ZC3H12D: variants seen among roughly 807,000 people sequenced by gnomAD.
The protein encoded by ZC3H12D is zinc finger CCCH-type containing 12D.
A neutral mutation model predicts 24.2 loss-of-function variants in ZC3H12D; 11 were observed. That is an observed-to-expected ratio of 0.46 (90% CI 0.29 to 0.75). The LOEUF (loss-of-function observed/expected upper bound fraction) is 0.75, where lower values mean the gene tolerates loss of function less well. ZC3H12D is among the 30% of genes least tolerant of loss of function. The pLI is 0.11. For missense variants in ZC3H12D, 740 were observed against 767.7 expected (o/e 0.96, Z 0.43); for synonymous variants, 333 against 341.8 (o/e 0.97, Z 0.28).
chr6:149,472,326 A>T (rs546450549), intron 2 of ZC3H12D, among the ~76,000 whole-genome samples: 12 of 151,974 alleles, frequency 7.9e-5, no homozygotes, highest in Admixed American at 3.3e-4. Context: ...GAGGGAGGGG[A>T]TGTGTGTGTG....
chr6:149,474,249 C>A lies in ZC3H12D; in HGVS notation c.295G>T (p.Val99Leu), dbSNP rs762876662. The change falls in exon 2 of 6, where the codon GTG becomes TTG. Residue 99 changes from valine to leucine, a missense_variant. By Grantham distance (32) the Val-to-Leu change is conservative (BLOSUM62 1). Transcript: ENST00000409806. Reference protein sequence around the residue: ...LRPIVIDGSNVAMSHGNKETF... With the variant: ...LRPIVIDGSNLAMSHGNKETF... ...ATGAAGGGAAGCTACCTCATCGCCA[C>A]GTTGCTGCCATCAATCACTATGGGT... is the stretch of plus-strand genomic sequence containing the variant. The A allele has an allele frequency of 5.7e-5, 84 of 1,481,058 alleles. No individual in the cohort carries two copies. The highest frequency in any genetic ancestry group is 6.9e-5 in the Non-Finnish European group (76 of 1,106,106). The allele number at this position is 1,481,058 out of a possible 1,614,324, so 91.7% of individuals were successfully genotyped here. A position where few individuals can be genotyped will look rare whatever the true frequency, so the allele number is the denominator to read the frequency against.
Position 149,451,251 on chromosome 6 carries a change from AG to A in ZC3H12D, c.1015del (p.Leu339TrpfsTer159). On this transcript the variant is annotated frameshift_variant, in exon 6 of 6. Transcript: ENST00000409806. LOFTEE classifies it low-confidence loss of function (END_TRUNC). ...AGAGAAGCTCCCTCGCAGGGCGGCC[AG>A]GTCCGGGGACCCCCGCGCCGGCGGG... ...SLPPARGSPD[L>X]AALRGSFSRL... is the part of the protein sequence containing the mutation. 1 of 1,296,958 alleles carries A rather than the reference AG, an allele frequency of 7.7e-7. No individual in the cohort carries two copies. The highest frequency in any genetic ancestry group is 2.6e-5 in the South Asian group (1 of 39,018). 80.3% of individuals were successfully genotyped at this position (1,296,958 alleles called of 1,614,324 possible).
At chr6:149,482,147 A>C (rs1468024628) in intron 1 of ZC3H12D, among the ~76,000 whole-genome samples, 1 of 152,214 alleles carries the variant, frequency 6.6e-6, no homozygotes, top group Non-Finnish European at 1.5e-5. Context: ...TTCACACTAA[A>C]CTGAAAGAAT....
At chr6:149,453,298 TA>T (rs59885086) in intron 4 of ZC3H12D, among the ~76,000 whole-genome samples, 83,383 of 146,380 alleles carry the variant, frequency 0.57, 24,011 homozygotes, top group African/African-American at 0.64. Context: ...AGATCCTGGC[TA>T]AAAAAAAAAA....
Position 149,450,702 on chromosome 6 carries a change from G to A in ZC3H12D, c.1565C>T (p.Ala522Val). The A allele has an allele frequency of 6.5e-7, 1 of 1,533,586 alleles. No homozygotes were observed. Among genetic ancestry groups the A allele is most frequent in the Non-Finnish European group, 8.8e-7 (1 of 1,137,500 alleles). 95.0% of individuals were successfully genotyped at this position (1,533,586 alleles called of 1,614,324 possible). ...GGTCCCTTAGGGCTTGCCCAGGGGC[G>A]CCCCCGCGCTCTGGCATCTCTGTAC... ...LLVQRCQSAG[A>V]PLGKP The change falls in exon 6 of 6, where the codon GCG (alanine) becomes GTG (valine). Residue 522 changes from alanine (A) to valine (V), a missense_variant. Physicochemically the swap from Ala to Val is moderately conservative, Grantham distance 64. Coordinates refer to ENST00000409806, the MANE Select transcript of ZC3H12D (RefSeq NM_207360.3).
In ZC3H12D at chr6:149,450,763, G is replaced by A. The variant is rs1209074450; in HGVS notation, c.1504C>T (p.Pro502Ser). 7.7e-6 allele frequency: 12 copies of A among 1,549,208 alleles called. No individual in the cohort carries two copies. In the Admixed American group the frequency reaches 2.4e-4, roughly 30 times the overall value. ...DQVDRVMAAF[P>S]ELSDLARLIL... ...AGCCTGGCGAGGTCTGAGAGCTCCG[G>A]GAACGCGGCCATCACGCGGTCCACC... Residue 502 changes from proline to serine, a missense_variant, in exon 6 of 6, where the codon CCG becomes TCG. Physicochemically the swap from Pro to Ser is moderately conservative, Grantham distance 74. Coordinates refer to ENST00000409806, the MANE Select transcript of ZC3H12D (RefSeq NM_207360.3).
chr6:149,474,154 C>T, intron 2 of ZC3H12D, 85 bp downstream of exon 2: 1 of 1,266,090 alleles, frequency 7.9e-7, no homozygotes, highest in Non-Finnish European at 1.0e-6. Flanking sequence ...CTCTTTGGAC[C>T]AAACCACAAG....
At chr6:149,455,065 A>T (rs1288184713) in intron 4 of ZC3H12D, among the ~76,000 whole-genome samples, 3 of 152,216 alleles carry the variant, frequency 2.0e-5, no homozygotes, top group Non-Finnish European at 4.4e-5. Context: ...CAAGGTGAAG[A>T]ACATTCAGCT....
At chr6:149,461,605 G>A (rs7748663) in intron 3 of ZC3H12D, 3,509 of 333,472 alleles carry the variant, frequency 0.011, 99 homozygotes, top group African/African-American at 0.067. Context: ...CTTATTGAAC[G>A]CCTAATTTTG....
At chr6:149,463,747 A>G (rs1307146517) in intron 2 of ZC3H12D, among the ~76,000 whole-genome samples, 1 of 152,202 alleles carries the variant, frequency 6.6e-6, no homozygotes, top group Non-Finnish European at 1.5e-5. Context: ...GAGGGAGAAG[A>G]GTAGGTGAAC....
intron 1 of ZC3H12D, among the ~76,000 whole-genome samples, chr6:149,484,142 G>A (rs1310767313): frequency 3.3e-5 from 5 of 152,162 alleles, no homozygotes; most frequent in African/African-American, 1.2e-4. Flanking sequence ...CACGAGTCAG[G>A]GATGGGCACC....
chr6:149,468,347 G>T (rs1776193324), intron 2 of ZC3H12D, among the ~76,000 whole-genome samples: 1 of 152,190 alleles, frequency 6.6e-6, no homozygotes, highest in African/African-American at 2.4e-5. Context: ...GGCAAATTTT[G>T]CCTGCCTGAC....
Position 149,450,981 on chromosome 6 carries a change from G to A in ZC3H12D, c.1286C>T (p.Pro429Leu). Reference sequence around the variant, plus strand: ...CCACGGGTCGTCGGGTGGCCTGCGCGGGGAAAGCAAGTCGCCGTGCAGGTC... The same window carrying A: ...CCACGGGTCGTCGGGTGGCCTGCGCAGGGAAAGCAAGTCGCCGTGCAGGTC... ...PRDLHGDLLS[P>L]RRPPDDPWAR... The change falls in exon 6 of 6, where the codon CCG becomes CTG. Residue 429 changes from proline (P) to leucine (L), a missense_variant. By Grantham distance (98) the Pro-to-Leu change is moderately conservative. Transcript: ENST00000409806. 2.6e-6 allele frequency: 4 copies of A among 1,520,874 alleles called. No homozygotes were observed. The highest frequency in any genetic ancestry group is 2.5e-5 in the South Asian group (2 of 80,742). 94.2% of individuals were successfully genotyped at this position (1,520,874 alleles called of 1,614,324 possible).
At position 149,477,686 on chromosome 6, in the gene ZC3H12D, C is replaced by A. The variant is rs186985191; in HGVS notation, c.-70-3073G>T. ...CCACAGCTGCATGTCTTGCTCACAC[C>A]TCCCACTGAGCACCAGGCACAGTTA... On this transcript the variant is annotated intron_variant, in intron 1 of 5. Coordinates refer to ENST00000409806, the MANE Select transcript of ZC3H12D (RefSeq NM_207360.3). Among the ~76,000 whole-genome samples, 491 of 152,292 alleles carry A rather than the reference C, an allele frequency of 3.2e-3. 1 individual carries two copies. The highest frequency in any genetic ancestry group is 0.013 in the South Asian group (65 of 4,826).
At chr6:149,464,606 C>T (rs394375) in intron 2 of ZC3H12D, among the ~76,000 whole-genome samples, 55,327 of 152,040 alleles carry the variant, frequency 0.36, 10,601 homozygotes, top group African/African-American at 0.46. Context: ...CCTGGGTCTC[C>T]CTTCTTTAAA....
At chr6:149,458,779 C>T (rs1776028912) in intron 3 of ZC3H12D, among the ~76,000 whole-genome samples, 1 of 152,168 alleles carries the variant, frequency 6.6e-6, no homozygotes. Flanking sequence ...GGATGTTTGC[C>T]AATCTGGTGG....
At chr6:149,459,523 G>A in intron 3 of ZC3H12D, 1 of 712,084 alleles carries the variant, frequency 1.4e-6, no homozygotes, top group Admixed American at 2.0e-5. Context: ...GGCTGGAGTG[G>A]AGGTGGGAGC....
chr6:149,451,353 TCCTCGGCGCCCGCGCCAGGCCGGGCC>T lies in ZC3H12D; in HGVS notation c.888_913del (p.Arg298AlafsTer87). 1 of 1,444,148 alleles carries T rather than the reference TCCTCGGCGCCCGCGCCAGGCCGGGCC, an allele frequency of 6.9e-7. No homozygotes were observed. The highest frequency in any genetic ancestry group is 9.0e-7 in the Non-Finnish European group (1 of 1,105,316). The allele number at this position is 1,444,148 out of a possible 1,614,324, so 89.5% of individuals were successfully genotyped here. ...GCCCGGGGCTCTCGGTGGCCGCTGC[TCCTCGGCGCCCGCGCCAGGCCGGGCC>T]CCTGTCTTGGCGCGGAGCTCGTCGG... On this transcript the variant is annotated frameshift_variant, in exon 6 of 6. Coordinates refer to ENST00000409806, the MANE Select transcript of ZC3H12D (RefSeq NM_207360.3). LOFTEE classifies it low-confidence loss of function (END_TRUNC).
At position 149,447,193 on chromosome 6, in the gene ZC3H12D, C is replaced by T. The variant is rs1038705895; in HGVS notation, c.*3490G>A. 1.7e-4 allele frequency: 26 copies of T among 152,240 alleles called. No individual in the cohort carries two copies. The highest frequency in any genetic ancestry group is 6.2e-4 in the South Asian group (3 of 4,832). 9.4% of individuals were successfully genotyped at this position (152,240 alleles called of 1,614,324 possible). On this transcript the variant is annotated 3_prime_UTR_variant, in exon 6 of 6. Coordinates refer to ENST00000409806, the MANE Select transcript of ZC3H12D (RefSeq NM_207360.3). ...CCTCACATCCCCCCAGGTGGAACAA[C>T]ACAGAACTGCGGCTGCTGAGACTGG...
Sources: gnomAD v4.1 joint callset for allele counts (sites outside exome capture counted in the v4.1 genomes callset) on GRCh38, gnomAD v4.1.1 for gene constraint, MANE v1.5 for transcripts, NCBI Gene and HGNC (gene_info 2026-07-23, HGNC 2026-07-21) for gene names.